The following FLRT2 variants were observed in gnomAD, a reference collection of about 807,000 sequenced individuals.
FLRT2 encodes the protein fibronectin leucine rich transmembrane protein 2, also known as leucine-rich repeat transmembrane protein FLRT2.
A neutral mutation model predicts 40.0 loss-of-function variants in FLRT2; 15 were observed. The ratio of observed to expected loss-of-function variants is 0.38; its 90% CI spans 0.25 to 0.58. The LOEUF is 0.58. Among genes scored for constraint, FLRT2 ranks in the 20% least tolerant of loss-of-function variants. The probability of loss-of-function intolerance (pLI) is 0.71; values close to 1 mark genes in which losing one functional copy is unlikely to be tolerated. For missense variants in FLRT2, 726 were observed against 840.0 expected, an observed-to-expected ratio of 0.86 and a Z score of 1.68; for synonymous variants, 380 against 336.8, an observed-to-expected ratio of 1.13 and a Z score of -1.41.
At chr14:85,546,267 T>C (rs1375012852) in intron 1 of FLRT2, among the ~76,000 whole-genome samples, 2 of 152,222 alleles carry the variant, frequency 1.3e-5, no homozygotes, top group African/African-American at 4.8e-5. Context: ...TCTGTAAATA[T>C]TATTAATACT....
At chr14:85,585,886 C>T (rs1891592813) in intron 1 of FLRT2, among the ~76,000 whole-genome samples, 2 of 151,826 alleles carry the variant, frequency 1.3e-5, no homozygotes, top group African/African-American at 4.8e-5. Context: ...AGTAATGATG[C>T]ACCAGATGAT....
chr14:85,593,912 C>T (rs1434629009), intron 1 of FLRT2, among the ~76,000 whole-genome samples: 2 of 152,066 alleles, frequency 1.3e-5, no homozygotes, highest in Non-Finnish European at 2.9e-5. Context: ...TGTGGTGGTA[C>T]ATACCTGTAA....
In FLRT2 at chr14:85,626,098, A is replaced by C. The variant is rs1237346037; in HGVS notation, c.*2601A>C. 6.0e-6 allele frequency: 1 copy of C among 167,088 alleles called. No individual in the cohort carries two copies. The allele number at this position is 167,088 out of a possible 1,614,324, so 10.4% of individuals were successfully genotyped here. A position where few individuals can be genotyped will look rare whatever the true frequency, so the allele number is the denominator to read the frequency against. The stretch of plus-strand genomic sequence containing the variant: ...AGGCTTTATTTTCACCTTGTGTACA[A>C]CATGGCAAAGACTGCTAAGATTAAA... On this transcript the variant is annotated 3_prime_UTR_variant, in exon 2 of 2. Coordinates refer to ENST00000330753, the MANE Select transcript of FLRT2 (RefSeq NM_013231.6).
At position 85,588,424 on chromosome 14, in the gene FLRT2, A is replaced by T. The variant is rs569192464; in HGVS notation, c.-376-32715A>T. ...AATAAGACTTGGCCTTCTAGAAATT[A>T]AATGACTTGATCCAGTTCCTATCAC... On this transcript the variant is annotated intron_variant, in intron 1 of 1. Coordinates refer to ENST00000330753, the MANE Select transcript of FLRT2 (RefSeq NM_013231.6). Among the ~76,000 whole-genome samples the T allele has an allele frequency of 2.0e-5, 3 of 151,398 alleles. No homozygotes were observed. The South Asian group carries it at 6.3e-4, about 32-fold the overall frequency.
intron 1 of FLRT2, among the ~76,000 whole-genome samples, chr14:85,534,330 C>A (rs903959010): frequency 6.6e-6 from 1 of 152,180 alleles, no homozygotes; most frequent in South Asian, 2.1e-4. Context: ...CACGCTCCCC[C>A]CTTCACACTC....
intron 1 of FLRT2, among the ~76,000 whole-genome samples, chr14:85,550,776 G>A (rs183025667): frequency 1.2e-4 from 19 of 152,198 alleles, no homozygotes. Flanking sequence ...ACTTATATTT[G>A]ATTATATTTT....
At chr14:85,599,728 T>TTTTC (rs1016739141) in intron 1 of FLRT2, among the ~76,000 whole-genome samples, 7 of 152,268 alleles carry the variant, frequency 4.6e-5, no homozygotes, top group East Asian at 1.9e-4. Flanking sequence ...TCTTTCCTCC[T>TTTTC]TTTCTTTCTT....
chr14:85,640,434 A>G lies in FLRT2; in HGVS notation c.*16937A>G, dbSNP rs1894125076. 1 of 152,180 alleles carries G rather than the reference A, an allele frequency of 6.6e-6. No individual in the cohort carries two copies. Among genetic ancestry groups the G allele is most frequent in the Non-Finnish European group, 1.5e-5 (1 of 68,034 alleles). 9.4% of individuals were successfully genotyped at this position (152,180 alleles called of 1,614,324 possible). On this transcript the variant is annotated 3_prime_UTR_variant, in exon 2 of 2. Transcript: ENST00000330753. The stretch of plus-strand genomic sequence containing the variant: ...GGAAGTAAACTTTGGTCACCACAAT[A>G]TACATAGCAAGTATTAAATATCTTG...
At chr14:85,618,380 T>G (rs1893227450) in intron 1 of FLRT2, among the ~76,000 whole-genome samples, 1 of 152,226 alleles carries the variant, frequency 6.6e-6, no homozygotes, top group Non-Finnish European at 1.5e-5. Flanking sequence ...CTTAAAAACA[T>G]TACATTTTAT....
rs556566218 is a variant in FLRT2 at position 85,618,292 on chromosome 14, TG to T, written c.-376-2845del. On this transcript the variant is annotated intron_variant, in intron 1 of 1. Coordinates refer to ENST00000330753, the MANE Select transcript of FLRT2 (RefSeq NM_013231.6). ...TTTTTACATATGAACTTAGAGACCC[TG>T]GTGCTGCTGTTTTTCTCTCCTAGGA... 3.5e-4 allele frequency among the ~76,000 whole-genome samples: 54 copies of T among 152,358 alleles called. No individual in the cohort carries two copies. In the East Asian group the frequency reaches 9.4e-3, roughly 27 times the overall value.
chr14:85,541,910 G>A lies in FLRT2; in HGVS notation c.-377+11376G>A, dbSNP rs116787774. On this transcript the variant is annotated intron_variant, in intron 1 of 1. Coordinates refer to ENST00000330753, the MANE Select transcript of FLRT2 (RefSeq NM_013231.6). ...TGTCTAGACTATGACACTGAGCTCA[G>A]TGAGCCATGGTTATGTCCTTGCCAA... 2.1e-3 allele frequency among the ~76,000 whole-genome samples: 316 copies of A among 152,306 alleles called. 1 individual carries two copies. Among genetic ancestry groups the A allele is most frequent in the African/African-American group, 7.4e-3 (306 of 41,578 alleles).
Position 85,631,129 on chromosome 14 carries a change from T to TATATATATATATATATATATATATATA in FLRT2, c.*7632_*7633insATATATATATATATATATATATATATA, listed in dbSNP as rs1893862477. Reference sequence around the variant, plus strand: ...TCTAGATTTTATATATATATATATATGAAATGAGCAAACAAAATGCTTTCA... The same window carrying TATATATATATATATATATATATATATA: ...TCTAGATTTTATATATATATATATATATATATATATATATATATATATATATAGAAATGAGCAAACAAAATGCTTTCA... On this transcript the variant is annotated 3_prime_UTR_variant, in exon 2 of 2. Coordinates refer to ENST00000330753, the MANE Select transcript of FLRT2 (RefSeq NM_013231.6). 1 of 138,086 alleles carries TATATATATATATATATATATATATATA rather than the reference T, an allele frequency of 7.2e-6. No individual in the cohort carries two copies. Among genetic ancestry groups the TATATATATATATATATATATATATATA allele is most frequent in the Non-Finnish European group, 1.5e-5 (1 of 65,382 alleles). The allele number at this position is 138,086 out of a possible 1,614,324, so 8.6% of individuals were successfully genotyped here.
intron 1 of FLRT2, among the ~76,000 whole-genome samples, chr14:85,586,390 T>A (rs1238743751): frequency 6.6e-6 from 1 of 152,074 alleles, no homozygotes; most frequent in Non-Finnish European, 1.5e-5. Flanking sequence ...TAAGAAACAA[T>A]GTTCAATCAA....
At position 85,653,416 on chromosome 14, in the gene FLRT2, T is replaced by A. The variant is rs1292397588; in HGVS notation, c.*29919T>A. Reference sequence around the variant, plus strand: ...CGTCAAGTCATTGAACATGGATGGATGCTCCATTAAGTCATTTAAAATAAA... The same window carrying A: ...CGTCAAGTCATTGAACATGGATGGAAGCTCCATTAAGTCATTTAAAATAAA... On this transcript the variant is annotated 3_prime_UTR_variant, in exon 2 of 2. Transcript: ENST00000330753. The A allele has an allele frequency of 6.6e-6, 1 of 152,184 alleles. No homozygotes were observed. Among genetic ancestry groups the A allele is most frequent in the African/African-American group, 2.4e-5 (1 of 41,452 alleles). 9.4% of individuals were successfully genotyped at this position (152,184 alleles called of 1,614,324 possible).
intron 1 of FLRT2, among the ~76,000 whole-genome samples, chr14:85,603,490 G>GT (rs1892471447): frequency 6.6e-6 from 1 of 152,200 alleles, no homozygotes; most frequent in South Asian, 2.1e-4. Flanking sequence ...ATAAGGTCAG[G>GT]TAAATAACTT....
chr14:85,586,439 A>G (rs1208971745), intron 1 of FLRT2, among the ~76,000 whole-genome samples: 1 of 152,178 alleles, frequency 6.6e-6, no homozygotes, highest in Non-Finnish European at 1.5e-5. Context: ...AATAAGTTCC[A>G]GAGATTTGCT....
intron 1 of FLRT2, among the ~76,000 whole-genome samples, chr14:85,547,284 G>A (rs898452356): frequency 6.6e-5 from 10 of 151,036 alleles, no homozygotes; most frequent in African/African-American, 1.9e-4. Flanking sequence ...CCAATGTGAT[G>A]TAAAATTTTA....
intron 1 of FLRT2, among the ~76,000 whole-genome samples, chr14:85,536,042 C>T (rs764670588): frequency 8.6e-5 from 13 of 151,518 alleles, no homozygotes; most frequent in Non-Finnish European, 1.5e-4. Flanking sequence ...CAAATGACAC[C>T]ATGCTGGGCT....
At chr14:85,535,332 T>C (rs1450877313) in intron 1 of FLRT2, among the ~76,000 whole-genome samples, 1 of 142,344 alleles carries the variant, frequency 7.0e-6, no homozygotes, top group East Asian at 2.1e-4. Context: ...CCTTAATAAA[T>C]ATCCAATGAA....
Sources: gnomAD v4.1 joint callset for allele counts (sites outside exome capture counted in the v4.1 genomes callset) on GRCh38, gnomAD v4.1.1 for gene constraint, MANE v1.5 for transcripts, NCBI Gene and HGNC (gene_info 2026-07-23, HGNC 2026-07-21) for gene names.